LRFN3: variants seen among roughly 807,000 people sequenced by gnomAD.
LRFN3 encodes leucine-rich repeat and fibronectin type-III domain-containing protein 3.
Under a neutral mutation model 23.8 loss-of-function variants are expected in LRFN3, and 8 were observed. The observed-to-expected ratio is 0.34, with a 90% CI of 0.20 to 0.61. The LOEUF is 0.61. LRFN3 is among the 20% of genes least tolerant of loss of function. LRFN3 has a pLI of 0.80. For missense variants in LRFN3, 736 were observed against 935.3 expected (o/e 0.79, Z 2.78); for synonymous variants, 451 against 450.6 (o/e 1.00, Z -0.01).
In LRFN3 at chr19:35,939,791, G is replaced by C. The variant is rs145720252; in HGVS notation, c.366G>C (p.Leu122=). ...TGGATGGCAACCGGCTGACCTCACTGGGCGAGGGCCAGCTGCGCGGCCTGG... is the reference window on the plus strand; with the variant it reads ...TGGATGGCAACCGGCTGACCTCACTCGGCGAGGGCCAGCTGCGCGGCCTGG... ...LHLDGNRLTS[L]GEGQLRGLVN... is the part of the protein sequence containing the mutation. The change falls in exon 2 of 3, where the codon CTG becomes CTC. Residue 122 remains leucine (L), a synonymous_variant. Transcript: ENST00000246529. The surrounding 1 kb of genome is among the most constrained non-coding windows in gnomAD (Gnocchi z 6.4). The C allele has an allele frequency of 1.0e-4, 160 of 1,603,996 alleles. 1 individual carries two copies. Among genetic ancestry groups the C allele is most frequent in the Non-Finnish European group, 1.3e-4 (152 of 1,179,734 alleles).
At position 35,938,586 on chromosome 19, in the gene LRFN3, G is replaced by A. The variant is rs562038547; in HGVS notation, c.-16-824G>A. Among the ~76,000 whole-genome samples the A allele has an allele frequency of 6.6e-5, 10 of 152,074 alleles. No homozygotes were observed. In the East Asian group the frequency reaches 1.4e-3, roughly 21 times the overall value. ...CATCTCTGCTGCCTTTCCTCTCTCCGATGACCTCTCCCCGCACCATCCTCC... is the reference window on the plus strand; with the variant it reads ...CATCTCTGCTGCCTTTCCTCTCTCCAATGACCTCTCCCCGCACCATCCTCC... On this transcript the variant is annotated intron_variant, in intron 1 of 2. Coordinates refer to ENST00000246529, the MANE Select transcript of LRFN3 (RefSeq NM_024509.2).
In LRFN3 at chr19:35,939,777, C is replaced by T. The variant is rs753632186; in HGVS notation, c.352C>T (p.Arg118Trp). The change falls in exon 2 of 3, where the codon CGG (arginine) becomes TGG (tryptophan). Residue 118 changes from arginine to tryptophan, a missense_variant. Arg to Trp is a moderately radical substitution (Grantham distance 101). Transcript: ENST00000246529. The surrounding 1 kb of genome is among the most constrained non-coding windows in gnomAD (Gnocchi z 6.4). ...ALRALHLDGN[R>W]LTSLGEGQLR... The stretch of plus-strand genomic sequence containing the variant: ...GCGTGCCCTGCACCTGGATGGCAAC[C>T]GGCTGACCTCACTGGGCGAGGGCCA... 4.4e-6 allele frequency: 7 copies of T among 1,604,620 alleles called. No homozygotes were observed. The highest frequency in any genetic ancestry group is 5.9e-6 in the Non-Finnish European group (7 of 1,179,668).
rs746962273 is a variant in LRFN3, at chr19:35,940,310, G to C, written c.885G>C (p.Pro295=). 1.9e-6 allele frequency: 3 copies of C among 1,589,792 alleles called. No homozygotes were observed. In the East Asian group the frequency reaches 6.7e-5, roughly 36 times the overall value. The change falls in exon 2 of 3, where the codon CCG becomes CCC. Residue 295 remains proline, a synonymous_variant. Coordinates refer to ENST00000246529, the MANE Select transcript of LRFN3 (RefSeq NM_024509.2). ...GCGAGGAGGAGTTTGTCTGCGAGCC[G>C]CCCGTGGTGACTCACCGCTCACCAC... ...AVGEEEFVCE[P]PVVTHRSPPL...
In LRFN3 at chr19:35,944,275, G is replaced by A. The variant is rs953596728; in HGVS notation, c.1416-273G>A. On this transcript the variant is annotated intron_variant, in intron 2 of 2. Coordinates refer to ENST00000246529, the MANE Select transcript of LRFN3 (RefSeq NM_024509.2). The surrounding 1 kb of genome is among the most constrained non-coding windows in gnomAD (Gnocchi z 4.5). ...AGCTGTTAGAGAAATTGGGTGGTGG[G>A]ACTAGAGTGAAAATGGGCAGCAGGC... Among the ~76,000 whole-genome samples the A allele has an allele frequency of 2.0e-5, 3 of 152,208 alleles. No homozygotes were observed. The highest frequency in any genetic ancestry group is 1.3e-4 in the Admixed American group (2 of 15,282).
In LRFN3 at chr19:35,944,171, C is replaced by G. The variant is rs1166420051; in HGVS notation, c.1416-377C>G. Among the ~76,000 whole-genome samples, 2 of 152,074 alleles carry G rather than the reference C, an allele frequency of 1.3e-5. No homozygotes were observed. The highest frequency in any genetic ancestry group is 2.9e-5 in the Non-Finnish European group (2 of 68,038). On this transcript the variant is annotated intron_variant, in intron 2 of 2. Transcript: ENST00000246529. The surrounding 1 kb of genome is among the most constrained non-coding windows in gnomAD (Gnocchi z 4.5). ...TGCCACTGCACTCCAGCTTGGGCAA[C>G]AGAGCAAGACCCTGTCTATAAGAAA...
intron 2 of LRFN3, among the ~76,000 whole-genome samples, chr19:35,943,524 G>C (rs1179544736): frequency 7.2e-5 from 11 of 152,158 alleles, no homozygotes; most frequent in Non-Finnish European, 2.9e-5. Flanking sequence ...CAGGTGGTTT[G>C]ATTGGAGAGA....
At chr19:35,938,763 T>C in intron 1 of LRFN3, among the ~76,000 whole-genome samples, 1 of 152,130 alleles carries the variant, frequency 6.6e-6, no homozygotes, top group Non-Finnish European at 1.5e-5. Flanking sequence ...CTCCCTTCTC[T>C]TTGTCCACTG....
rs1406773200 is a variant in LRFN3 at position 35,940,694 on chromosome 19, T to C, written c.1269T>C (p.Thr423=). The stretch of plus-strand genomic sequence containing the variant: ...CTGCTTCTGCCAAGGTGGCCGACAC[T>C]GGGCCCCCTACCGACCGTGGCGTCC... ...AASASAKVAD[T]GPPTDRGVQV... Residue 423 remains threonine (T), a synonymous_variant, in exon 2 of 3, where the codon ACT becomes ACC. Transcript: ENST00000246529. 3.1e-6 allele frequency: 5 copies of C among 1,613,280 alleles called. No homozygotes were observed. Among genetic ancestry groups the C allele is most frequent in the South Asian group, 2.2e-5 (2 of 91,074 alleles).
intron 2 of LRFN3, among the ~76,000 whole-genome samples, chr19:35,942,567 G>A (rs1396955563): frequency 1.3e-5 from 2 of 152,212 alleles, no homozygotes; most frequent in East Asian, 3.8e-4. Flanking sequence ...GTTGAGGACT[G>A]TTCCTTGGGG....
chr19:35,938,846 C>G (rs1976084916), intron 1 of LRFN3, among the ~76,000 whole-genome samples: 1 of 152,226 alleles, frequency 6.6e-6, no homozygotes, highest in African/African-American at 2.4e-5. Flanking sequence ...ATTGTTGCCA[C>G]CCTGGCTGCC....
chr19:35,942,871 T>C (rs1976137794), intron 2 of LRFN3, among the ~76,000 whole-genome samples: 1 of 151,872 alleles, frequency 6.6e-6, no homozygotes, highest in Non-Finnish European at 1.5e-5. Flanking sequence ...CTACTAAAAA[T>C]ACAAAAAATT....
chr19:35,941,353 G>GC (rs1976120025), intron 2 of LRFN3, among the ~76,000 whole-genome samples: 1 of 152,176 alleles, frequency 6.6e-6, no homozygotes, highest in Non-Finnish European at 1.5e-5. Context: ...AGGTTTTCCA[G>GC]ATGACAGGAC....
chr19:35,936,445 A>AGCCCGGCCCCCGCCCGGCCCCC lies in LRFN3; in HGVS notation c.-1123_-1102dup, dbSNP rs1290951403. 1.4e-4 allele frequency: 16 copies of AGCCCGGCCCCCGCCCGGCCCCC among 115,214 alleles called. No individual in the cohort carries two copies. Among genetic ancestry groups the AGCCCGGCCCCCGCCCGGCCCCC allele is most frequent in the African/African-American group, 4.4e-4 (14 of 31,746 alleles). 7.1% of individuals were successfully genotyped at this position (115,214 alleles called of 1,614,324 possible). A position where few individuals can be genotyped will look rare whatever the true frequency, so the allele number is the denominator to read the frequency against. ...GGGAGCGCCTGGACCCGGCCCGCCCAGCCCGGCCCCCGCCCGGCCCCCGCC... is the reference window on the plus strand; with the variant it reads ...GGGAGCGCCTGGACCCGGCCCGCCCAGCCCGGCCCCCGCCCGGCCCCCGCCCGGCCCCCGCCCGGCCCCCGCC... On this transcript the variant is annotated 5_prime_UTR_variant, in exon 1 of 3. Coordinates refer to ENST00000246529, the MANE Select transcript of LRFN3 (RefSeq NM_024509.2).
rs760768387 is a variant in LRFN3, at chr19:35,939,929, C to G, written c.504C>G (p.Leu168=). The change falls in exon 2 of 3, where the codon CTC becomes CTG. Residue 168 remains leucine (L), a synonymous_variant. Coordinates refer to ENST00000246529, the MANE Select transcript of LRFN3 (RefSeq NM_024509.2). The surrounding 1 kb of genome is among the most constrained non-coding windows in gnomAD (Gnocchi z 6.4). ...LEDLDLSYNN[L]EQLPWEALGR... is the part of the protein sequence containing the mutation. ...ACCTCGACCTCTCCTACAACAACCT[C>G]GAGCAGCTGCCCTGGGAGGCCCTGG... 4 of 1,605,510 alleles carry G rather than the reference C, an allele frequency of 2.5e-6. No homozygotes were observed. Among genetic ancestry groups the G allele is most frequent in the Non-Finnish European group, 3.4e-6 (4 of 1,179,824 alleles).
intron 2 of LRFN3, among the ~76,000 whole-genome samples, chr19:35,942,796 G>A (rs1389793348): frequency 3.3e-5 from 5 of 152,140 alleles, no homozygotes; most frequent in African/African-American, 9.7e-5. Flanking sequence ...TTGGGAGGCC[G>A]AGGCAGGTGG....
At position 35,945,041 on chromosome 19, in the gene LRFN3, G is replaced by C; in HGVS notation, c.*22G>C. On this transcript the variant is annotated 3_prime_UTR_variant, in exon 3 of 3. Coordinates refer to ENST00000246529, the MANE Select transcript of LRFN3 (RefSeq NM_024509.2). ...CTAGCCAGGCGCCCCCCCCTCTAAGGGTCCTCTGGCCCCACGGACAGCAGG... is the reference window on the plus strand; with the variant it reads ...CTAGCCAGGCGCCCCCCCCTCTAAGCGTCCTCTGGCCCCACGGACAGCAGG... The C allele has an allele frequency of 7.6e-7, 1 of 1,321,476 alleles. No individual in the cohort carries two copies. Among genetic ancestry groups the C allele is most frequent in the South Asian group, 1.7e-5 (1 of 57,366 alleles). 81.9% of individuals were successfully genotyped at this position (1,321,476 alleles called of 1,614,324 possible).
At chr19:35,938,310 G>A (rs899279942) in intron 1 of LRFN3, among the ~76,000 whole-genome samples, 5 of 151,434 alleles carry the variant, frequency 3.3e-5, no homozygotes, top group African/African-American at 1.2e-4. Flanking sequence ...GATGCCCTCT[G>A]ATCATCTCTG....
chr19:35,944,499 T>G lies in LRFN3; in HGVS notation c.1416-49T>G. The G allele has an allele frequency of 5.3e-6, 7 of 1,315,852 alleles. No homozygotes were observed. The highest frequency in any genetic ancestry group is 6.9e-6 in the Non-Finnish European group (7 of 1,011,202). 81.5% of individuals were successfully genotyped at this position (1,315,852 alleles called of 1,614,324 possible). A position where few individuals can be genotyped will look rare whatever the true frequency, so the allele number is the denominator to read the frequency against. On this transcript the variant is annotated intron_variant, in intron 2 of 2. Transcript: ENST00000246529. This position sits in a 1 kb window ranked among gnomAD's most constrained non-coding sequence, Gnocchi z 4.5. Reference sequence around the variant, plus strand: ...GGGAGTTTGGTGGGGGAAGCACAGGTTGGGGGCTGGGCAGCCTGAGACCTG... The same window carrying G: ...GGGAGTTTGGTGGGGGAAGCACAGGGTGGGGGCTGGGCAGCCTGAGACCTG...
At position 35,936,786 on chromosome 19, in the gene LRFN3, C is replaced by G. The variant is rs1263725329; in HGVS notation, c.-786C>G. ...GAATTCCGGAAACCCGAGCCTGGAA[C>G]CCTGATCTGGGACCAGCACCCCGAG... On this transcript the variant is annotated 5_prime_UTR_variant, in exon 1 of 3. Coordinates refer to ENST00000246529, the MANE Select transcript of LRFN3 (RefSeq NM_024509.2). 1 of 152,274 alleles carries G rather than the reference C, an allele frequency of 6.6e-6. No homozygotes were observed. Among genetic ancestry groups the G allele is most frequent in the African/African-American group, 2.4e-5 (1 of 41,452 alleles). 9.4% of individuals were successfully genotyped at this position (152,274 alleles called of 1,614,324 possible). A position where few individuals can be genotyped will look rare whatever the true frequency, so the allele number is the denominator to read the frequency against.
Sources: gnomAD v4.1 joint callset for allele counts (sites outside exome capture counted in the v4.1 genomes callset) on GRCh38, gnomAD v4.1.1 for gene constraint, Gnocchi (gnomAD v3.1) non-coding constraint, MANE v1.5 for transcripts, NCBI Gene and HGNC (gene_info 2026-07-23, HGNC 2026-07-21) for gene names.